Variants in PIGU observed in about 807,000 individuals in gnomAD.
PIGU encodes GPI-anchor transamidase component PIGU.
PIGU carries 24 observed loss-of-function variants against 49.9 expected under a neutral mutation model. That is an observed-to-expected ratio of 0.48 (90% CI 0.35 to 0.68). The LOEUF is 0.68. PIGU is among the 30% of genes least tolerant of loss of function. PIGU has a pLI of 0.01. For synonymous variants in PIGU, 220 were observed against 205.7 expected, an observed-to-expected ratio of 1.07 and a Z score of -0.59; for missense variants, 490 against 532.6, an observed-to-expected ratio of 0.92 and a Z score of 0.79.
chr20:34,610,310 C>T (rs750683096), intron 7 of PIGU, among the ~76,000 whole-genome samples: 1 of 152,072 alleles, frequency 6.6e-6, no homozygotes, highest in African/African-American at 2.4e-5. Context: ...AAAACCCCAC[C>T]GTCTCAGCCC....
chr20:34,611,668 C>CAAA (rs149027105), intron 7 of PIGU, among the ~76,000 whole-genome samples: 3 of 106,474 alleles, frequency 2.8e-5, no homozygotes, highest in Non-Finnish European at 5.7e-5. Flanking sequence ...AAAAAAAAGA[C>CAAA]AAAAAAAAAA....
intron 1 of PIGU, among the ~76,000 whole-genome samples, chr20:34,664,582 C>T (rs888302619): frequency 6.6e-6 from 1 of 151,992 alleles, no homozygotes; most frequent in Non-Finnish European, 1.5e-5. Flanking sequence ...GTAGAAGAAT[C>T]GCTTGAACCT....
chr20:34,674,094 G>A (rs1432222880), intron 1 of PIGU, among the ~76,000 whole-genome samples: 1 of 151,318 alleles, frequency 6.6e-6, no homozygotes, highest in African/African-American at 2.4e-5. Context: ...AGTGGCTCAT[G>A]CCTGTAATCC....
At chr20:34,568,041 G>A (rs1982849765) in intron 11 of PIGU, among the ~76,000 whole-genome samples, 2 of 152,108 alleles carry the variant, frequency 1.3e-5, no homozygotes, top group Admixed American at 6.5e-5. Flanking sequence ...GTACACCTCT[G>A]TCTCATTCAC....
At chr20:34,563,812 G>C (rs1451733570) in intron 11 of PIGU, among the ~76,000 whole-genome samples, 1 of 152,182 alleles carries the variant, frequency 6.6e-6, no homozygotes, top group African/African-American at 2.4e-5. Flanking sequence ...ACAGTGGAGA[G>C]ACCTGGCCAA....
chr20:34,654,824 G>A (rs1986657390), intron 2 of PIGU, among the ~76,000 whole-genome samples: 1 of 115,788 alleles, frequency 8.6e-6, no homozygotes, highest in South Asian at 2.5e-4. Context: ...GGCCAATATG[G>A]TGAAACCCCG....
intron 6 of PIGU, among the ~76,000 whole-genome samples, chr20:34,625,790 G>A (rs1323765284): frequency 5.3e-5 from 8 of 150,708 alleles, no homozygotes; most frequent in Non-Finnish European, 1.0e-4. Context: ...CATGCCTGTC[G>A]TCTCAGCTAC....
At chr20:34,615,512 G>T (rs149558046) in intron 7 of PIGU, among the ~76,000 whole-genome samples, 4 of 152,322 alleles carry the variant, frequency 2.6e-5, no homozygotes, top group African/African-American at 9.6e-5. Context: ...TATGCATATA[G>T]TAGTGCCCCC....
intron 8 of PIGU, among the ~76,000 whole-genome samples, chr20:34,588,063 C>T (rs919925502): frequency 1.3e-5 from 2 of 152,118 alleles, no homozygotes; most frequent in African/African-American, 2.4e-5. Context: ...ACCAGCCTGG[C>T]TAACATGGTG....
intron 2 of PIGU, among the ~76,000 whole-genome samples, chr20:34,651,577 AGGTAGGTTGGTCT>A (rs1986542693): frequency 6.6e-6 from 1 of 151,374 alleles, no homozygotes; most frequent in African/African-American, 2.4e-5. Context: ...TGTTCGTGGC[AGGTAGGTTGGTCT>A]GCTACTGCAA....
At chr20:34,579,698 C>A (rs1169180829) in intron 10 of PIGU, among the ~76,000 whole-genome samples, 1 of 152,216 alleles carries the variant, frequency 6.6e-6, no homozygotes, top group Non-Finnish European at 1.5e-5. Context: ...AACCTGCAGA[C>A]TATGTGCCCT....
intron 6 of PIGU, 104 bp downstream of exon 6, chr20:34,634,511 A>G: frequency 7.2e-7 from 1 of 1,391,934 alleles, no homozygotes; most frequent in Non-Finnish European, 9.4e-7. Flanking sequence ...AAATGTTTTT[A>G]AGTGTTGCAT....
intron 7 of PIGU, among the ~76,000 whole-genome samples, chr20:34,600,420 A>AAAGAAAAGAAAAAAGAGAAAAGAG (rs1984372709): frequency 6.6e-6 from 1 of 152,006 alleles, no homozygotes; most frequent in Admixed American, 6.6e-5. Flanking sequence ...AGAAGAGAGA[A>AAAGAAAAGAAAAAAGAGAAAAGAG]AAGAAAAGAA....
intron 2 of PIGU, among the ~76,000 whole-genome samples, chr20:34,651,961 G>A (rs1009331632): frequency 1.3e-5 from 2 of 152,066 alleles, no homozygotes; most frequent in Non-Finnish European, 2.9e-5. Context: ...AAAATTAGCT[G>A]GGCATGGGTA....
At chr20:34,578,322 T>G (rs926065012) in intron 10 of PIGU, among the ~76,000 whole-genome samples, 3 of 152,166 alleles carry the variant, frequency 2.0e-5, no homozygotes, top group African/African-American at 7.2e-5. Context: ...ACGTTTTCAC[T>G]GAGAATTACT....
chr20:34,601,058 G>A (rs1755683648), intron 7 of PIGU, among the ~76,000 whole-genome samples: 1 of 150,034 alleles, frequency 6.7e-6, no homozygotes, highest in Admixed American at 6.7e-5. Context: ...AAAAAAAGCA[G>A]TTCTCTTAGG....
At chr20:34,636,940 C>T (rs149840593) in intron 5 of PIGU, among the ~76,000 whole-genome samples, 1,680 of 152,238 alleles carry the variant, frequency 0.011, 41 homozygotes, top group African/African-American at 0.039. Context: ...CCAGGACACA[C>T]ATAAGTCCAT....
chr20:34,665,967 C>T (rs1987076988), intron 1 of PIGU, among the ~76,000 whole-genome samples: 2 of 152,078 alleles, frequency 1.3e-5, no homozygotes, highest in South Asian at 4.2e-4. Flanking sequence ...GGGTGGATCA[C>T]CTGAGGTCAG....
At chr20:34,624,601 A>G (rs1985384721) in intron 6 of PIGU, among the ~76,000 whole-genome samples, 1 of 152,186 alleles carries the variant, frequency 6.6e-6, no homozygotes, top group African/African-American at 2.4e-5. Context: ...AAAAAGCAGG[A>G]CCATCTATTA....
Sources: gnomAD v4.1 joint callset for allele counts (sites outside exome capture counted in the v4.1 genomes callset) on GRCh38, gnomAD v4.1.1 for gene constraint, MANE v1.5 for transcripts, NCBI Gene and HGNC (gene_info 2026-07-23, HGNC 2026-07-21) for gene names.